CCSER1: variants seen among roughly 807,000 people sequenced by gnomAD.
CCSER1 encodes the protein serine-rich coiled-coil domain-containing protein 1.
In CCSER1, 41 loss-of-function variants were observed where a neutral mutation model predicts 82.0. The ratio of observed to expected loss-of-function variants is 0.50; its 90% confidence interval spans 0.39 to 0.65. CCSER1 has a LOEUF of 0.65. Ranked by LOEUF, CCSER1 falls within the 30% of genes least tolerant of loss-of-function variation. CCSER1 has a pLI of 0.00. For synonymous variants in CCSER1, 414 were observed against 383.9 expected (o/e 1.08, Z -0.92); for missense variants, 1,119 against 1,064.2 (o/e 1.05, Z -0.72).
chr4:90,946,195 AATTTT>A (rs1310206753), intron 9 of CCSER1, among the ~76,000 whole-genome samples: 4 of 152,350 alleles, frequency 2.6e-5, no homozygotes, highest in South Asian at 2.1e-4. Context: ...AAGATACTTT[AATTTT>A]AAGTCCTCGA....
chr4:90,900,629 C>G lies in CCSER1; in HGVS notation c.2095-22741C>G, dbSNP rs151267604. On this transcript the variant is annotated intron_variant, in intron 8 of 10. Transcript: ENST00000509176. ...TCTTGTGTAGTTCTAGTATTGATTT[C>G]TAATTTTATTGCACTGTGGTCTGAG... is the stretch of plus-strand genomic sequence containing the variant. Among the ~76,000 whole-genome samples the G allele has an allele frequency of 1.2e-3, 187 of 151,814 alleles. 1 individual carries two copies. Among genetic ancestry groups the G allele is most frequent in the African/African-American group, 4.1e-3 (172 of 41,452 alleles).
chr4:90,449,222 G>A (rs1309125064), intron 4 of CCSER1, among the ~76,000 whole-genome samples: 1 of 152,124 alleles, frequency 6.6e-6, no homozygotes, highest in South Asian at 2.1e-4. Context: ...CCCACAGTGG[G>A]TATCTCCTCT....
At chr4:90,352,178 G>T (rs910074461) in intron 3 of CCSER1, among the ~76,000 whole-genome samples, 1 of 152,002 alleles carries the variant, frequency 6.6e-6, no homozygotes, top group African/African-American at 2.4e-5. Flanking sequence ...CAAAAAATTA[G>T]CCGGGCGTGG....
At chr4:90,751,025 CTTAAT>C (rs945451876) in intron 7 of CCSER1, among the ~76,000 whole-genome samples, 1 of 151,988 alleles carries the variant, frequency 6.6e-6, no homozygotes, top group African/African-American at 2.4e-5. Context: ...TTTAACTCTG[CTTAAT>C]TTATTTCATG....
intron 10 of CCSER1, chr4:91,325,242 C>T: frequency 2.2e-6 from 1 of 452,874 alleles, no homozygotes; most frequent in Non-Finnish European, 4.4e-6. Context: ...ACATCTAAGC[C>T]TGTGCACATG....
chr4:90,291,676 A>G (rs2153466354), intron 1 of CCSER1, among the ~76,000 whole-genome samples: 1 of 152,122 alleles, frequency 6.6e-6, no homozygotes, highest in South Asian at 2.1e-4. Flanking sequence ...AATTTGTTGT[A>G]TCTCCTTTAT....
At chr4:90,778,944 A>G (rs531399606) in intron 7 of CCSER1, among the ~76,000 whole-genome samples, 1 of 152,278 alleles carries the variant, frequency 6.6e-6, no homozygotes, top group South Asian at 2.1e-4. Flanking sequence ...CAGGGCCACT[A>G]CTATCATCCT....
At chr4:91,085,829 T>G in intron 9 of CCSER1, 121 bp from the exon 10 acceptor site, 1 of 660,222 alleles carries the variant, frequency 1.5e-6, no homozygotes. Flanking sequence ...TCATCTATAT[T>G]CAGATCTTCT....
chr4:90,305,802 A>C (rs1352911603), intron 1 of CCSER1, among the ~76,000 whole-genome samples: 2 of 152,328 alleles, frequency 1.3e-5, no homozygotes, highest in Middle Eastern at 3.4e-3. Flanking sequence ...CAGAACTACC[A>C]TATGATCCAG....
At chr4:91,414,666 G>C (rs1466325503) in intron 10 of CCSER1, among the ~76,000 whole-genome samples, 1 of 152,110 alleles carries the variant, frequency 6.6e-6, no homozygotes, top group African/African-American at 2.4e-5. Flanking sequence ...TGCTACCTAT[G>C]AGAGACCAAC....
chr4:91,311,417 A>T (rs984495337), intron 10 of CCSER1, among the ~76,000 whole-genome samples: 1 of 151,950 alleles, frequency 6.6e-6, no homozygotes, highest in Non-Finnish European at 1.5e-5. Context: ...CTAAATGAAG[A>T]CACTTTGACA....
intron 7 of CCSER1, among the ~76,000 whole-genome samples, chr4:90,749,177 C>G (rs1215940082): frequency 6.6e-6 from 1 of 150,668 alleles, no homozygotes; most frequent in East Asian, 2.0e-4. Context: ...TTAGGTCTAA[C>G]GTTTAAGTCT....
In CCSER1 at chr4:91,591,877, AT is replaced by A. The variant is rs561112014; in HGVS notation, c.2218-6687del. ...GTATTGACAAAATACACTGAAATTGATTTTTTTTCATTTGCTTTGATATCTA... is the reference window on the plus strand; with the variant it reads ...GTATTGACAAAATACACTGAAATTGATTTTTTTCATTTGCTTTGATATCTA... On this transcript the variant is annotated intron_variant, in intron 10 of 10. Coordinates refer to ENST00000509176, the MANE Select transcript of CCSER1 (RefSeq NM_001145065.2). Among the ~76,000 whole-genome samples, 22 of 152,000 alleles carry A rather than the reference AT, an allele frequency of 1.4e-4. No individual in the cohort carries two copies. The Middle Eastern group carries it at 0.014, about 94-fold the overall frequency.
At chr4:90,564,085 G>C (rs1779097841) in intron 5 of CCSER1, among the ~76,000 whole-genome samples, 1 of 152,028 alleles carries the variant, frequency 6.6e-6, no homozygotes, top group South Asian at 2.1e-4. Flanking sequence ...GTCCTCTTTT[G>C]AGAAATATCT....
intron 10 of CCSER1, among the ~76,000 whole-genome samples, chr4:91,216,235 G>C (rs769384882): frequency 2.0e-5 from 3 of 152,170 alleles, no homozygotes; most frequent in Non-Finnish European, 4.4e-5. Context: ...TGGCTCTCTT[G>C]TCAGTTTATC....
chr4:91,432,104 A>C (rs1046265460), intron 10 of CCSER1, among the ~76,000 whole-genome samples: 1 of 152,078 alleles, frequency 6.6e-6, no homozygotes, highest in Non-Finnish European at 1.5e-5. Context: ...CAAAGTTTGT[A>C]GCAGTTCCCC....
intron 2 of CCSER1, 29 bp downstream of exon 2, chr4:90,309,637 G>T: frequency 2.0e-6 from 3 of 1,473,306 alleles, no homozygotes; most frequent in Non-Finnish European, 2.7e-6. Flanking sequence ...TATAACAAAT[G>T]ATATGAATTA....
rs146259008 is a variant in CCSER1, at chr4:90,483,659, T to A, written c.1724+15305T>A. Reference sequence around the variant, plus strand: ...CTTAGTTTGGCTGGATATGAAATTCTGAGTTGAAAATTCTTTTCTTTAAGA... The same window carrying A: ...CTTAGTTTGGCTGGATATGAAATTCAGAGTTGAAAATTCTTTTCTTTAAGA... On this transcript the variant is annotated intron_variant, in intron 5 of 10. Coordinates refer to ENST00000509176, the MANE Select transcript of CCSER1 (RefSeq NM_001145065.2). 6.6e-3 allele frequency among the ~76,000 whole-genome samples: 1,001 copies of A among 152,338 alleles called. 27 individuals are homozygous for A. The highest frequency in any genetic ancestry group is 0.042 in the East Asian group (218 of 5,188).
intron 5 of CCSER1, among the ~76,000 whole-genome samples, chr4:90,491,087 A>C (rs577385797): frequency 1.3e-5 from 2 of 152,284 alleles, no homozygotes; most frequent in African/African-American, 4.8e-5. Flanking sequence ...TGGGAATGCC[A>C]TTGAAACTAT....
Sources: allele counts gnomAD v4.1 joint callset (sites outside exome capture counted in the v4.1 genomes callset), GRCh38; gene constraint gnomAD v4.1.1; transcripts MANE v1.5; gene names NCBI Gene and HGNC (gene_info 2026-07-23, HGNC 2026-07-21).